Variants in PRODH2 observed in about 807,000 individuals in gnomAD.
PRODH2 encodes the protein proline dehydrogenase 2.
In PRODH2, 49 loss-of-function variants were observed where a neutral mutation model predicts 51.9. The observed-to-expected ratio is 0.94, with a 90% CI of 0.75 to 1.20. The LOEUF (loss-of-function observed/expected upper bound fraction) is 1.20, where lower values mean the gene tolerates loss of function less well. Ranked by LOEUF, PRODH2 falls within the 50% of genes most tolerant of loss-of-function variation. The pLI, the probability that PRODH2 is intolerant of heterozygous loss-of-function variation, is 0.00. For missense variants in PRODH2, 597 were observed against 610.9 expected, an observed-to-expected ratio of 0.98 and a Z score of 0.24; for synonymous variants, 249 against 260.7, an observed-to-expected ratio of 0.96 and a Z score of 0.43.
intron 4 of PRODH2, among the ~76,000 whole-genome samples, chr19:35,811,597 T>TA (rs1399878806): frequency 6.6e-6 from 1 of 151,422 alleles, no homozygotes; most frequent in Non-Finnish European, 1.5e-5. Flanking sequence ...AATGTGGAGA[T>TA]AAAAAGGAAT....
intron 7 of PRODH2, among the ~76,000 whole-genome samples, chr19:35,806,071 T>TTTTGTTTGTTTGTTTG (rs3030901): frequency 3.8e-4 from 57 of 150,122 alleles, no homozygotes; most frequent in African/African-American, 1.1e-3. Context: ...TTTTGTTTTG[T>TTTTGTTTGTTTGTTTG]TTTGTTTGTT....
chr19:35,812,185 CTCAGCCAGGCTGGGG>C lies in PRODH2; in HGVS notation c.444_458del (p.Pro149_Glu153del), dbSNP rs776312661. 1 of 1,614,164 alleles carries C rather than the reference CTCAGCCAGGCTGGGG, an allele frequency of 6.2e-7. No individual in the cohort carries two copies. Among genetic ancestry groups the C allele is most frequent in the Admixed American group, 1.7e-5 (1 of 60,026 alleles). On this transcript the variant is annotated inframe_deletion, in exon 3 of 10. Coordinates refer to ENST00000653904, the MANE Select transcript of PRODH2 (RefSeq NM_021232.2). ...TCACCTTCAGCTGCATGAGGCTGGC[CTCAGCCAGGCTGGGG>C]GGCTCCAGGAGGCCCCGTGACAGGT...
intron 7 of PRODH2, among the ~76,000 whole-genome samples, chr19:35,804,503 T>C (rs956991893): frequency 6.6e-6 from 1 of 152,136 alleles, no homozygotes; most frequent in Non-Finnish European, 1.5e-5. Context: ...TTTAACAGAG[T>C]GGGGAGACTG....
rs763371810 is a variant in PRODH2, at chr19:35,802,276, G to T, written c.1113C>A (p.Arg371=). The T allele has an allele frequency of 6.2e-7, 1 of 1,614,158 alleles. No homozygotes were observed. The highest frequency in any genetic ancestry group is 1.6e-4 in the Middle Eastern group (1 of 6,062). The change falls in exon 9 of 10, where the codon CGC becomes CGA. Residue 371 remains arginine (R), a splice_region_variant and synonymous_variant. Coordinates refer to ENST00000653904, the MANE Select transcript of PRODH2 (RefSeq NM_021232.2). The part of the protein sequence containing the change: ...NEESVRQATK[R]MWELGIPLDG... ...CCAGAGGAATGCCCAGCTCCCACATGCTACAGAAAAGGCCACATCATCAGT... is the reference window on the plus strand; with the variant it reads ...CCAGAGGAATGCCCAGCTCCCACATTCTACAGAAAAGGCCACATCATCAGT...
At chr19:35,806,406 A>G in intron 7 of PRODH2, 24 bp downstream of exon 7, 2 of 1,613,480 alleles carry the variant, frequency 1.2e-6, no homozygotes, top group Non-Finnish European at 1.7e-6. Context: ...TATTTCCTGC[A>G]GAGGCCAGCT....
Position 35,803,007 on chromosome 19 carries a change from G to A in PRODH2, c.1073C>T (p.Ala358Val). The change falls in exon 8 of 10, where the codon GCT (alanine) becomes GTT (valine). Residue 358 changes from alanine to valine, a missense_variant. Physicochemically the swap from Ala to Val is moderately conservative, Grantham distance 64 (BLOSUM62 0). Coordinates refer to ENST00000653904, the MANE Select transcript of PRODH2 (RefSeq NM_021232.2). ...RHGPMCHLMV[A>V]SHNEESVRQA... ...GCGAACAGATTCCTCATTGTGGGAAGCCACCATGAGGTGGCACATGGGGCC... is the reference window on the plus strand; with the variant it reads ...GCGAACAGATTCCTCATTGTGGGAAACCACCATGAGGTGGCACATGGGGCC... 6.3e-7 allele frequency: 1 copy of A among 1,576,460 alleles called. No homozygotes were observed. Among genetic ancestry groups the A allele is most frequent in the Non-Finnish European group, 8.6e-7 (1 of 1,157,344 alleles).
chr19:35,800,235 T>C lies in PRODH2; in HGVS notation c.1199-13A>G. On this transcript the variant is annotated splice_polypyrimidine_tract_variant and intron_variant, in intron 9 of 9. Transcript: ENST00000653904. Reference sequence around the variant, plus strand: ...TAGCCGGCCTGCCCTGCAGGGAGAGTGGGTTTTGTTTTTTCGTTTTTGGTG... The same window carrying C: ...TAGCCGGCCTGCCCTGCAGGGAGAGCGGGTTTTGTTTTTTCGTTTTTGGTG... 1 of 1,529,096 alleles carries C rather than the reference T, an allele frequency of 6.5e-7. No individual in the cohort carries two copies. The highest frequency in any genetic ancestry group is 8.8e-7 in the Non-Finnish European group (1 of 1,135,152). The allele number at this position is 1,529,096 out of a possible 1,614,324, so 94.7% of individuals were successfully genotyped here.
chr19:35,806,780 T>A lies in PRODH2; in HGVS notation c.729A>T (p.Ser243=). 1 of 1,613,096 alleles carries A rather than the reference T, an allele frequency of 6.2e-7. No individual in the cohort carries two copies. The highest frequency in any genetic ancestry group is 8.5e-7 in the Non-Finnish European group (1 of 1,179,644). ...CCAGCAGCGAGAGCGCAGGGTTCAG[T>A]GAGGTGTACTCCGCATCCACCAGGA... is the stretch of plus-strand genomic sequence containing the variant. ...VRLLVDAEYT[S]LNPALSLLVA... Residue 243 remains serine, a synonymous_variant, in exon 6 of 10, where the codon TCA becomes TCT. Transcript: ENST00000653904.
rs751327417 is a variant in PRODH2, at chr19:35,802,274, A to AGC, written c.1114_1115insGC (p.Met372SerfsTer27). 2 of 1,614,078 alleles carry AGC rather than the reference A, an allele frequency of 1.2e-6. No individual in the cohort carries two copies. Among genetic ancestry groups the AGC allele is most frequent in the Admixed American group, 1.7e-5 (1 of 60,010 alleles). Reference sequence around the variant, plus strand: ...ATCCAGAGGAATGCCCAGCTCCCACATGCTACAGAAAAGGCCACATCATCA... The same window carrying AGC: ...ATCCAGAGGAATGCCCAGCTCCCACAGCTGCTACAGAAAAGGCCACATCATCA... On this transcript the variant is annotated frameshift_variant and splice_region_variant, in exon 9 of 10. Transcript: ENST00000653904. LOFTEE classifies it high-confidence loss of function.
At position 35,812,704 on chromosome 19, in the gene PRODH2, T is replaced by G. The variant is rs757423024; in HGVS notation, c.102A>C (p.Thr34=). 43 of 1,611,186 alleles carry G rather than the reference T, an allele frequency of 2.7e-5. 1 individual carries two copies. Among genetic ancestry groups the G allele is most frequent in the Non-Finnish European group, 3.4e-5 (40 of 1,178,270 alleles). ...FDGGAFHLKG[T]GELTRALLVL... ...CCAGCAAGGCCCGTGTCAGCTCTCCTGTGCCCTTAAGGTGGAAGGCCCCGC... is the reference window on the plus strand; with the variant it reads ...CCAGCAAGGCCCGTGTCAGCTCTCCGGTGCCCTTAAGGTGGAAGGCCCCGC... Residue 34 remains threonine, a synonymous_variant, in exon 1 of 10, where the codon ACA becomes ACC. Coordinates refer to ENST00000653904, the MANE Select transcript of PRODH2 (RefSeq NM_021232.2).
Position 35,812,387 on chromosome 19 carries a change from T to C in PRODH2, c.344A>G (p.Glu115Gly), listed in dbSNP as rs1214562488. 4 of 1,613,618 alleles carry C rather than the reference T, an allele frequency of 2.5e-6. No homozygotes were observed. Among genetic ancestry groups the C allele is most frequent in the Non-Finnish European group, 3.4e-6 (4 of 1,179,710 alleles). The part of the protein sequence containing the change: ...LRPLLAVPTE[E>G]EPDSAAKSGE... ...ACTCTTGGCAGCAGAGTCCGGCTCCTCCTCAGTGGGCACTGCCAGCAGTGG... is the reference window on the plus strand; with the variant it reads ...ACTCTTGGCAGCAGAGTCCGGCTCCCCCTCAGTGGGCACTGCCAGCAGTGG... Residue 115 changes from glutamate (E) to glycine (G), a missense_variant, in exon 2 of 10, where the codon GAG (glutamate) becomes GGG (glycine). Coordinates refer to ENST00000653904, the MANE Select transcript of PRODH2 (RefSeq NM_021232.2).
rs571398704 is a variant in PRODH2 at position 35,807,148 on chromosome 19, A to G, written c.598-27T>C. 89 of 1,512,888 alleles carry G rather than the reference A, an allele frequency of 5.9e-5. No homozygotes were observed. The African/African-American group carries it at 1.2e-3, about 20-fold the overall frequency. The allele number at this position is 1,512,888 out of a possible 1,614,324, so 93.7% of individuals were successfully genotyped here. A position where few individuals can be genotyped will look rare whatever the true frequency, so the allele number is the denominator to read the frequency against. On this transcript the variant is annotated intron_variant, in intron 4 of 9. Transcript: ENST00000653904. Reference sequence around the variant, plus strand: ...TAGGGGGCAGCAGGGGAAGTGGGGAAAAGCTTATAAGTTGCTAGAAATCTA... The same window carrying G: ...TAGGGGGCAGCAGGGGAAGTGGGGAGAAGCTTATAAGTTGCTAGAAATCTA...
chr19:35,800,226 C>T lies in PRODH2; in HGVS notation c.1199-4G>A, dbSNP rs370482458. On this transcript the variant is annotated splice_polypyrimidine_tract_variant and splice_region_variant and intron_variant, in intron 9 of 9. Transcript: ENST00000653904. ...TACACTACATAGCCGGCCTGCCCTGCAGGGAGAGTGGGTTTTGTTTTTTCG... is the reference window on the plus strand; with the variant it reads ...TACACTACATAGCCGGCCTGCCCTGTAGGGAGAGTGGGTTTTGTTTTTTCG... The T allele has an allele frequency of 6.5e-7, 1 of 1,549,362 alleles. No homozygotes were observed. The highest frequency in any genetic ancestry group is 2.0e-5 in the Admixed American group (1 of 49,040).
chr19:35,801,732 C>T (rs1361334635), intron 9 of PRODH2: 1 of 160,308 alleles, frequency 6.2e-6, no homozygotes, highest in East Asian at 1.7e-4. Context: ...TCCCCCAGTC[C>T]CAGGAAATGG....
intron 4 of PRODH2, among the ~76,000 whole-genome samples, chr19:35,808,277 C>T (rs1972544738): frequency 1.3e-5 from 2 of 152,178 alleles, no homozygotes; most frequent in African/African-American, 4.8e-5. Context: ...GCTGGTGACT[C>T]CAGGGAGTCT....
intron 9 of PRODH2, among the ~76,000 whole-genome samples, chr19:35,801,498 A>G (rs576888621): frequency 6.6e-6 from 1 of 152,206 alleles, no homozygotes; most frequent in Non-Finnish European, 1.5e-5. Flanking sequence ...AAAATAAAAG[A>G]GAAAATGAGA....
chr19:35,804,545 G>T (rs771967549), intron 7 of PRODH2, among the ~76,000 whole-genome samples: 1 of 152,244 alleles, frequency 6.6e-6, no homozygotes. Flanking sequence ...CTTGTCCCCA[G>T]GTCACACAGC....
At position 35,806,716 on chromosome 19, in the gene PRODH2, C is replaced by T. The variant is rs1202719042; in HGVS notation, c.793G>A (p.Gly265Ser). 2 of 1,614,138 alleles carry T rather than the reference C, an allele frequency of 1.2e-6. No individual in the cohort carries two copies. The highest frequency in any genetic ancestry group is 3.3e-5 in the Admixed American group (2 of 60,020). Reference sequence around the variant, plus strand: ...TAGGTGTTCCACACCCAGGGCCCGCCTTCACCCGGGCTGTTCCAGCGCACA... The same window carrying T: ...TAGGTGTTCCACACCCAGGGCCCGCTTTCACCCGGGCTGTTCCAGCGCACA... ...LAVRWNSPGE[G>S]GPWVWNTYQA... The change falls in exon 6 of 10, where the codon GGC becomes AGC. Residue 265 changes from glycine to serine, a missense_variant. Transcript: ENST00000653904.
intron 9 of PRODH2, among the ~76,000 whole-genome samples, chr19:35,800,656 A>G (rs548924415): frequency 8.4e-4 from 128 of 152,010 alleles, no homozygotes; most frequent in African/African-American, 2.9e-3. Flanking sequence ...GAGTTGGATA[A>G]AATTTCTAAC....
Sources: gnomAD v4.1 joint callset for allele counts (sites outside exome capture counted in the v4.1 genomes callset) on GRCh38, gnomAD v4.1.1 for gene constraint, MANE v1.5 for transcripts, NCBI Gene and HGNC (gene_info 2026-07-23, HGNC 2026-07-21) for gene names.